USP54: variants seen among roughly 807,000 people sequenced by gnomAD.
USP54 encodes the protein ubiquitin carboxyl-terminal hydrolase 54.
USP54 carries 87 observed loss-of-function variants against 170.5 expected under a neutral mutation model. The observed-to-expected ratio is 0.51, with a 90% CI of 0.43 to 0.61. The LOEUF is 0.61. Ranked by LOEUF, USP54 falls within the 20% of genes least tolerant of loss-of-function variation. USP54 has a pLI of 0.00. For missense variants in USP54, 1,786 were observed against 2,047.8 expected (o/e 0.87, Z 2.47); for synonymous variants, 655 against 742.8 (o/e 0.88, Z 1.92).
chr10:73,574,342 G>A (rs1334341051), intron 3 of USP54, among the ~76,000 whole-genome samples: 1 of 152,128 alleles, frequency 6.6e-6, no homozygotes, highest in African/African-American at 2.4e-5. Flanking sequence ...AGATAAGTTG[G>A]ACAAAGACTA....
intron 2 of USP54, 47 bp from the exon 3 acceptor site, chr10:73,575,722 C>A: frequency 6.7e-7 from 1 of 1,497,534 alleles, no homozygotes; most frequent in African/African-American, 1.4e-5. Flanking sequence ...GCAGGAATTT[C>A]TGTCTGCTAA....
At chr10:73,552,286 G>A (rs1226917142) in intron 4 of USP54, among the ~76,000 whole-genome samples, 2 of 152,076 alleles carry the variant, frequency 1.3e-5, no homozygotes, top group East Asian at 1.9e-4. Flanking sequence ...TGCGGTGAGC[G>A]CCTATAGTCC....
intron 1 of USP54, among the ~76,000 whole-genome samples, chr10:73,580,399 T>C (rs534504816): frequency 4.3e-4 from 65 of 151,012 alleles, no homozygotes; most frequent in Non-Finnish European, 1.0e-4. Flanking sequence ...CTTAAATATA[T>C]AGTCATGAGC....
rs201603101 is a variant in USP54, at chr10:73,517,354, C to G, written c.3072G>C (p.Gln1024His). The change falls in exon 20 of 24, where the codon CAG becomes CAC. Residue 1024 changes from glutamine to histidine, a missense_variant. By Grantham distance (24) the Gln-to-His change is conservative. Around this residue, in one of 3 missense-constraint regions of USP54, gnomAD observed 1,418 missense variants for 1,569.0 expected, o/e 0.90. Coordinates refer to ENST00000687698, the MANE Select transcript of USP54 (RefSeq NM_001391956.1). ...CAGGATCCTTCTTTTCTTGGAACAG[C>G]TGTTCTTGAGCAATGCCTCTTCCTT... is the stretch of plus-strand genomic sequence containing the variant. ...PQEGRGIAQE[Q>H]LFQEKKDPAN... 2 of 1,612,530 alleles carry G rather than the reference C, an allele frequency of 1.2e-6. No homozygotes were observed. Among genetic ancestry groups the G allele is most frequent in the African/African-American group, 1.3e-5 (1 of 74,974 alleles).
rs1355258512 is a variant in USP54, at chr10:73,530,273, G to A, written c.1698C>T (p.Ser566=). 2 of 1,614,156 alleles carry A rather than the reference G, an allele frequency of 1.2e-6. No individual in the cohort carries two copies. Among genetic ancestry groups the A allele is most frequent in the Non-Finnish European group, 1.7e-6 (2 of 1,180,036 alleles). Residue 566 remains serine, a synonymous_variant, in exon 14 of 24, where the codon TCC becomes TCT. Coordinates refer to ENST00000687698, the MANE Select transcript of USP54 (RefSeq NM_001391956.1). ...EIESTSSESK[S]SSSSKYRPTW... ...TGGGACGATACTTGCTGGAAGAACTGGATTTTGACTCACTGCTGGTACTCT... is the reference window on the plus strand; with the variant it reads ...TGGGACGATACTTGCTGGAAGAACTAGATTTTGACTCACTGCTGGTACTCT...
At chr10:73,593,207 A>G (rs2078434479), upstream of USP54, among the ~76,000 whole-genome samples, 1 of 151,444 alleles carries the variant, frequency 6.6e-6, no homozygotes, top group Non-Finnish European at 1.5e-5. Flanking sequence ...AAAAAAAAAA[A>G]GAAAGAAAGA....
chr10:73,574,888 G>C (rs2075876311), intron 3 of USP54, among the ~76,000 whole-genome samples: 1 of 150,362 alleles, frequency 6.7e-6, no homozygotes. Context: ...GAAAAGAAAA[G>C]AAAAATAGGA....
chr10:73,508,004 A>G (rs1395419697), intron 20 of USP54, among the ~76,000 whole-genome samples: 1 of 152,090 alleles, frequency 6.6e-6, no homozygotes, highest in Non-Finnish European at 1.5e-5. Context: ...AAAAAGAAAA[A>G]AGATTTACAG....
At chr10:73,561,104 CAAAAAAAAAAA>C (rs919887025) in intron 4 of USP54, among the ~76,000 whole-genome samples, 11 of 30,488 alleles carry the variant, frequency 3.6e-4, no homozygotes, top group East Asian at 8.8e-4. Context: ...GACTCCATCT[CAAAAAAAAAAA>C]AAAAAAAAAA....
In USP54 at chr10:73,544,898, G is replaced by C. The variant is rs59137858; in HGVS notation, c.375+640C>G. On this transcript the variant is annotated intron_variant, in intron 5 of 23. Transcript: ENST00000687698. ...CTGGCTAATTTTTGTATTTTTAGTA[G>C]AGATGGGGTTTCGCTACGTTGGCCA... is the stretch of plus-strand genomic sequence containing the variant. 2.6e-5 allele frequency among the ~76,000 whole-genome samples: 4 copies of C among 151,996 alleles called. No homozygotes were observed. In the East Asian group the frequency reaches 7.7e-4, roughly 29 times the overall value.
At chr10:73,554,213 A>G (rs1381161410) in intron 4 of USP54, among the ~76,000 whole-genome samples, 2 of 152,170 alleles carry the variant, frequency 1.3e-5, no homozygotes, top group East Asian at 1.9e-4. Flanking sequence ...TTTTGAGCTC[A>G]AGGTCTTTGG....
upstream of USP54, among the ~76,000 whole-genome samples, chr10:73,591,764 T>G (rs888963062): frequency 5.9e-5 from 9 of 152,034 alleles, no homozygotes; most frequent in Non-Finnish European, 8.8e-5. Context: ...TCCTTTGCAC[T>G]GCAGTCAAAA....
At chr10:73,543,170 T>C in intron 5 of USP54, 39 bp from the exon 6 acceptor site, 2 of 1,389,840 alleles carry the variant, frequency 1.4e-6, no homozygotes, top group Non-Finnish European at 2.0e-6. Flanking sequence ...CCAACAATAT[T>C]TAATAGACAA....
At position 73,500,736 on chromosome 10, in the gene USP54, G is replaced by A; in HGVS notation, c.4414C>T (p.Gln1472Ter). The A allele has an allele frequency of 6.2e-7, 1 of 1,605,350 alleles. No individual in the cohort carries two copies. Among genetic ancestry groups the A allele is most frequent in the East Asian group, 2.3e-5 (1 of 43,604 alleles). ...AACTGTGGTTGGGGAAGGTAGAGTT[G>A]GGGACCGAGGAGAAACACAGAAGGG... ...HDPSVFLLGPQLYLPQPQFLS... is the reference protein window; with the variant it reads ...HDPSVFLLGP The change falls in exon 23 of 24, where the codon CAA becomes TAA. Residue 1472 changes from glutamine (Q) to a stop codon, truncating the protein, a stop_gained. Coordinates refer to ENST00000687698, the MANE Select transcript of USP54 (RefSeq NM_001391956.1). LOFTEE classifies it high-confidence loss of function.
chr10:73,590,015 G>A (rs1177620986), intron 1 of USP54, among the ~76,000 whole-genome samples: 1 of 152,176 alleles, frequency 6.6e-6, no homozygotes, highest in Admixed American at 6.5e-5. Flanking sequence ...TTCATCAGGT[G>A]TAAAATTATA....
intron 4 of USP54, among the ~76,000 whole-genome samples, chr10:73,548,534 G>A (rs1401288490): frequency 6.6e-6 from 1 of 151,658 alleles, no homozygotes; most frequent in Non-Finnish European, 1.5e-5. Context: ...TATACACCAT[G>A]GAATACTATG....
intron 1 of USP54, among the ~76,000 whole-genome samples, chr10:73,622,627 AT>A (rs2081183440): frequency 6.6e-6 from 1 of 151,958 alleles, no homozygotes; most frequent in Non-Finnish European, 1.5e-5. Context: ...CCTGGTCCGT[AT>A]TTATTTACAT....
In USP54 at chr10:73,576,014, T is replaced by C. The variant is rs1028232491; in HGVS notation, c.-234A>G. 6.2e-6 allele frequency: 1 copy of C among 161,988 alleles called. No individual in the cohort carries two copies. The highest frequency in any genetic ancestry group is 1.3e-5 in the Non-Finnish European group (1 of 74,756). 10.0% of individuals were successfully genotyped at this position (161,988 alleles called of 1,614,324 possible). ...GATGTAATTCTCAACTCCAACAGCA[T>C]CCAGGATCAGGGTAAGATGTGTTCT... On this transcript the variant is annotated 5_prime_UTR_variant, in exon 2 of 24. An upstream start codon of the reference 5' UTR is lost. Transcript: ENST00000687698.
At chr10:73,523,827 A>C in intron 16 of USP54, 77 bp from the exon 17 acceptor site, 1 of 1,166,596 alleles carries the variant, frequency 8.6e-7, no homozygotes, top group Non-Finnish European at 1.1e-6. Flanking sequence ...TGACCACTGC[A>C]ATACTTTCCT....
Sources: allele counts gnomAD v4.1 joint callset (sites outside exome capture counted in the v4.1 genomes callset), GRCh38; gene constraint gnomAD v4.1.1; regional missense constraint gnomAD v4.1.1; transcripts MANE v1.5; gene names NCBI Gene and HGNC (gene_info 2026-07-23, HGNC 2026-07-21).